C9orf85: variants seen among roughly 807,000 people sequenced by gnomAD.
The protein encoded by C9orf85 is uncharacterized protein C9orf85.
Under a neutral mutation model 14.9 loss-of-function variants are expected in C9orf85, and 16 were observed. The observed-to-expected ratio is 1.08, with a 90% confidence interval of 0.73 to 1.63. C9orf85 has a LOEUF of 1.63. C9orf85 is among the 40% of genes most tolerant of loss of function. The pLI is 0.00. For missense variants in C9orf85, 172 were observed against 186.1 expected (o/e 0.92, Z 0.44); for synonymous variants, 45 against 56.8 (o/e 0.79, Z 0.93).
intron 2 of C9orf85, among the ~76,000 whole-genome samples, chr9:71,963,707 G>T (rs1473900990): frequency 6.6e-6 from 1 of 152,228 alleles, no homozygotes; most frequent in African/African-American, 2.4e-5. Context: ...AGGGTGTACT[G>T]GGTCCCCCAG....
rs74462246 is a variant in C9orf85 at position 71,934,881 on chromosome 9, T to C, written c.103-12125T>C. Among the ~76,000 whole-genome samples the C allele has an allele frequency of 1.4e-3, 217 of 152,128 alleles. 1 individual carries two copies. The highest frequency in any genetic ancestry group is 2.2e-3 in the Admixed American group (34 of 15,258). ...CAAGACCCTGTCTCAGAAAAAAATA[T>C]ATATATGCAGAATATATAATACTAT... On this transcript the variant is annotated intron_variant, in intron 1 of 3. Transcript: ENST00000334731.
chr9:71,949,706 T>C (rs1218090611), intron 2 of C9orf85, among the ~76,000 whole-genome samples: 2 of 152,134 alleles, frequency 1.3e-5, no homozygotes, highest in South Asian at 2.1e-4. Flanking sequence ...CTAGGTTTGA[T>C]GGGAGTGGAA....
At chr9:71,975,686 A>G (rs1822985913), downstream of C9orf85, among the ~76,000 whole-genome samples, 1 of 150,898 alleles carries the variant, frequency 6.6e-6, no homozygotes, top group Admixed American at 6.6e-5. Flanking sequence ...CACAAAATTA[A>G]CCACGCCTGG....
downstream of C9orf85, chr9:71,983,516 A>G (rs909168072): frequency 6.6e-6 from 1 of 152,222 alleles, no homozygotes; most frequent in Admixed American, 6.5e-5. Context: ...TATCCTTCAC[A>G]TTAAGAAACT....
chr9:71,949,455 G>A (rs367804332), intron 2 of C9orf85, among the ~76,000 whole-genome samples: 7 of 151,850 alleles, frequency 4.6e-5, no homozygotes, highest in Non-Finnish European at 5.9e-5. Context: ...TTGTTTTCTC[G>A]CGACAGAGCA....
intron 2 of C9orf85, among the ~76,000 whole-genome samples, chr9:71,969,169 A>C (rs1006849503): frequency 6.6e-6 from 1 of 152,208 alleles, no homozygotes; most frequent in Admixed American, 6.5e-5. Context: ...AGAGAAACTT[A>C]GAACTCGCTG....
intron 1 of C9orf85, among the ~76,000 whole-genome samples, chr9:71,928,570 T>C (rs1827986879): frequency 1.3e-5 from 2 of 152,204 alleles, no homozygotes. Flanking sequence ...GTTTAATATG[T>C]TGGAAGGAGT....
At chr9:71,922,632 T>G (rs1827841322) in intron 1 of C9orf85, among the ~76,000 whole-genome samples, 1 of 152,232 alleles carries the variant, frequency 6.6e-6, no homozygotes, top group Non-Finnish European at 1.5e-5. Context: ...ACTCTCCAGA[T>G]GTGTACTAAA....
intron 1 of C9orf85, among the ~76,000 whole-genome samples, chr9:71,928,121 A>T (rs142017370): frequency 1.4e-5 from 2 of 139,312 alleles, no homozygotes; most frequent in African/African-American, 5.3e-5. Context: ...CAGGAGGCGG[A>T]GGTTACAGTG....
At chr9:71,975,458 C>A (rs572785599), downstream of C9orf85, among the ~76,000 whole-genome samples, 4,861 of 142,896 alleles carry the variant, frequency 0.034, 100 homozygotes, top group Non-Finnish European at 0.051. Flanking sequence ...AAAAAAAAAA[C>A]GTGGAGACAA....
chr9:71,979,579 G>C (rs997761766), intron 3 of C9orf85, among the ~76,000 whole-genome samples: 4 of 152,184 alleles, frequency 2.6e-5, no homozygotes, highest in African/African-American at 9.7e-5. Context: ...ATACAGGAAA[G>C]TCAGGCTTGC....
intron 1 of C9orf85, among the ~76,000 whole-genome samples, chr9:71,918,764 C>T (rs2132249878): frequency 6.6e-6 from 1 of 152,320 alleles, no homozygotes; most frequent in African/African-American, 2.4e-5. Context: ...CCATCACCCC[C>T]AGATGGGACC....
intron 2 of C9orf85, among the ~76,000 whole-genome samples, chr9:71,965,257 T>C (rs1013855963): frequency 1.3e-5 from 2 of 152,198 alleles, no homozygotes; most frequent in African/African-American, 2.4e-5. Flanking sequence ...TGATTGGCTA[T>C]TTCTTTACCT....
intron 2 of C9orf85, among the ~76,000 whole-genome samples, chr9:71,947,830 G>A (rs1822138709): frequency 6.6e-6 from 1 of 152,156 alleles, no homozygotes; most frequent in African/African-American, 2.4e-5. Context: ...ATTTTTAGTA[G>A]AGACGGGGTT....
chr9:71,915,121 A>G (rs1827613947), intron 1 of C9orf85, among the ~76,000 whole-genome samples: 1 of 151,922 alleles, frequency 6.6e-6, no homozygotes, highest in South Asian at 2.1e-4. Context: ...GGTTAGTACT[A>G]TCTCTTGTCT....
chr9:71,919,123 A>G (rs1049022706), intron 1 of C9orf85, among the ~76,000 whole-genome samples: 4 of 152,282 alleles, frequency 2.6e-5, no homozygotes, highest in African/African-American at 9.6e-5. Flanking sequence ...GTGATGCCTG[A>G]CACTGTAAAA....
At chr9:71,936,002 G>A (rs969413650) in intron 1 of C9orf85, among the ~76,000 whole-genome samples, 1 of 151,762 alleles carries the variant, frequency 6.6e-6, no homozygotes, top group African/African-American at 2.4e-5. Context: ...CAGTAATACA[G>A]ATTATATAAG....
intron 3 of C9orf85, among the ~76,000 whole-genome samples, chr9:71,971,841 G>C (rs1314230109): frequency 6.6e-6 from 1 of 152,026 alleles, no homozygotes; most frequent in African/African-American, 2.4e-5. Flanking sequence ...GGGCACAGTG[G>C]CAGGCGCCTG....
intron 3 of C9orf85, among the ~76,000 whole-genome samples, chr9:71,971,975 CAAAA>C (rs1280978130): frequency 1.9e-5 from 1 of 53,276 alleles, no homozygotes; most frequent in Non-Finnish European, 3.9e-5. Context: ...GACTCCATCT[CAAAA>C]AAAAAAAAAA....
Sources: allele counts gnomAD v4.1 joint callset (sites outside exome capture counted in the v4.1 genomes callset), GRCh38; gene constraint gnomAD v4.1.1; transcripts MANE v1.5; gene names NCBI Gene and HGNC (gene_info 2026-07-23, HGNC 2026-07-21).